The following SSH1 variants were observed in gnomAD, a reference collection of about 807,000 sequenced individuals.
SSH1 encodes the protein protein phosphatase Slingshot homolog 1.
SSH1 carries 43 observed loss-of-function variants against 79.7 expected under a neutral mutation model. The ratio of observed to expected loss-of-function variants is 0.54; its 90% CI spans 0.42 to 0.70. The LOEUF is 0.70. SSH1 is among the 30% of genes least tolerant of loss of function. The pLI, the probability that SSH1 is intolerant of heterozygous loss-of-function variation, is 0.00. For synonymous variants in SSH1, 599 were observed against 538.3 expected, an observed-to-expected ratio of 1.11 and a Z score of -1.56; for missense variants, 1,206 against 1,358.8, an observed-to-expected ratio of 0.89 and a Z score of 1.77.
chr12:108,838,339 A>T (rs1257571519), intron 2 of SSH1, among the ~76,000 whole-genome samples: 1 of 152,232 alleles, frequency 6.6e-6, no homozygotes, highest in Admixed American at 6.5e-5. Flanking sequence ...TGCCCAGAGC[A>T]GAAGAGAACG....
intron 3 of SSH1, among the ~76,000 whole-genome samples, chr12:108,821,672 G>C (rs549632444): frequency 1.3e-5 from 2 of 152,272 alleles, no homozygotes; most frequent in South Asian, 4.1e-4. Context: ...GGTCTGCCTG[G>C]CTTCAAAACA....
At chr12:108,856,617 C>G (rs552900278) in intron 1 of SSH1, among the ~76,000 whole-genome samples, 1 of 152,228 alleles carries the variant, frequency 6.6e-6, no homozygotes. Context: ...GCTCGGTCAC[C>G]GTCACACAGT....
At chr12:108,816,035 C>T (rs1030926329) in intron 5 of SSH1, among the ~76,000 whole-genome samples, 9 of 152,216 alleles carry the variant, frequency 5.9e-5, no homozygotes, top group African/African-American at 2.2e-4. Context: ...TCCTCAAATG[C>T]ACCTTGCTGC....
intron 2 of SSH1, among the ~76,000 whole-genome samples, chr12:108,838,517 T>C (rs1433427778): frequency 6.6e-6 from 1 of 152,150 alleles, no homozygotes; most frequent in East Asian, 1.9e-4. Flanking sequence ...AGGCCTCCTA[T>C]TGTGAAGGGC....
chr12:108,824,926 G>A (rs924915430), intron 2 of SSH1, among the ~76,000 whole-genome samples: 2 of 152,018 alleles, frequency 1.3e-5, no homozygotes, highest in African/African-American at 2.4e-5. Context: ...TATTAACAAC[G>A]GCTTTGCGGG....
At position 108,802,319 on chromosome 12, in the gene SSH1, C is replaced by T; in HGVS notation, c.1001+3G>A. 11 of 1,613,794 alleles carry T rather than the reference C, an allele frequency of 6.8e-6. No homozygotes were observed. Among genetic ancestry groups the T allele is most frequent in the Non-Finnish European group, 9.3e-6 (11 of 1,179,770 alleles). The stretch of plus-strand genomic sequence containing the variant: ...CAGGGAAAGACAAGGGGAGGAGACT[C>T]ACCCTGAGCCCTGCAGTTCCTCCAG... On this transcript the variant is annotated splice_donor_region_variant and intron_variant, in intron 11 of 14. Transcript: ENST00000326495.
In SSH1 at chr12:108,826,080, T is replaced by TA. The variant is rs755068548; in HGVS notation, c.111-2720dup. On this transcript the variant is annotated intron_variant, in intron 2 of 14. Coordinates refer to ENST00000326495, the MANE Select transcript of SSH1 (RefSeq NM_018984.4). ...CATCAACTGCTTTTGTTCATGAGATTAAAAAAAAAAAATTCATACTGACCA... is the reference window on the plus strand; with the variant it reads ...CATCAACTGCTTTTGTTCATGAGATTAAAAAAAAAAAAATTCATACTGACCA... The TA allele has an allele frequency of 7.3e-3, 2,707 of 370,148 alleles. 3 individuals carry two copies. The highest frequency in any genetic ancestry group is 0.012 in the Middle Eastern group (33 of 2,652). 22.9% of individuals were successfully genotyped at this position (370,148 alleles called of 1,614,324 possible).
chr12:108,788,646 C>T lies in SSH1; in HGVS notation c.2492G>A (p.Arg831Gln), dbSNP rs1397797197. The T allele has an allele frequency of 6.2e-6, 10 of 1,613,668 alleles. No homozygotes were observed. The Admixed American group carries it at 8.3e-5, about 13-fold the overall frequency. ...LVRKHTKELE[R>Q]LKSVPADPAP... ...TGGGTCTGCAGGCACGCTCTTCAGC[C>T]GCTCTAGCTCTTTGGTGTGCTTGCG... The change falls in exon 15 of 15, where the codon CGG (arginine) becomes CAG (glutamine). Residue 831 changes from arginine (R) to glutamine (Q), a missense_variant. By Grantham distance (43) the Arg-to-Gln change is conservative. This residue lies in a region of SSH1 where 709 missense variants were observed against 730.6 expected (regional missense o/e 0.97). Coordinates refer to ENST00000326495, the MANE Select transcript of SSH1 (RefSeq NM_018984.4).
At position 108,788,362 on chromosome 12, in the gene SSH1, A is replaced by G. The variant is rs750050714; in HGVS notation, c.2776T>C (p.Ser926Pro). 3.1e-6 allele frequency: 5 copies of G among 1,612,962 alleles called. No homozygotes were observed. In the Admixed American group the frequency reaches 5.0e-5, roughly 16 times the overall value. ...CGGGTCAGGTTGGAGCTCATGGAAGAGGAGGTGGGGGTGTAGCAGATGGTC... is the reference window on the plus strand; with the variant it reads ...CGGGTCAGGTTGGAGCTCATGGAAGGGGAGGTGGGGGTGTAGCAGATGGTC... ...LKTICYTPTS[S>P]SMSSNLTRSS... Residue 926 changes from serine to proline, a missense_variant, in exon 15 of 15, where the codon TCT becomes CCT. By Grantham distance (74) the Ser-to-Pro change is moderately conservative (BLOSUM62 -1). Around this residue, in one of 5 missense-constraint regions of SSH1, gnomAD observed 709 missense variants for 730.6 expected, o/e 0.97. Transcript: ENST00000326495.
chr12:108,847,648 G>T (rs2038928367), intron 2 of SSH1, among the ~76,000 whole-genome samples: 1 of 152,062 alleles, frequency 6.6e-6, no homozygotes, highest in Admixed American at 6.5e-5. Context: ...GTAGAAAGGG[G>T]GTTTCACCAT....
intron 5 of SSH1, among the ~76,000 whole-genome samples, chr12:108,814,940 A>G (rs908947019): frequency 5.3e-5 from 8 of 152,196 alleles, no homozygotes; most frequent in African/African-American, 1.9e-4. Context: ...GTGGGCATCT[A>G]AGGCATGCCC....
rs1054661862 is a variant in SSH1, at chr12:108,785,717, A to G, written c.*2271T>C. 1.3e-5 allele frequency: 2 copies of G among 152,076 alleles called. No individual in the cohort carries two copies. Among genetic ancestry groups the G allele is most frequent in the African/African-American group, 4.8e-5 (2 of 41,312 alleles). 9.4% of individuals were successfully genotyped at this position (152,076 alleles called of 1,614,324 possible). A position where few individuals can be genotyped will look rare whatever the true frequency, so the allele number is the denominator to read the frequency against. ...AAGAAAAATTATGGCTTTCAAAATTAAAGTTTTCAAAAATATATCATTCTC... is the reference window on the plus strand; with the variant it reads ...AAGAAAAATTATGGCTTTCAAAATTGAAGTTTTCAAAAATATATCATTCTC... On this transcript the variant is annotated 3_prime_UTR_variant, in exon 15 of 15. Coordinates refer to ENST00000326495, the MANE Select transcript of SSH1 (RefSeq NM_018984.4).
intron 2 of SSH1, among the ~76,000 whole-genome samples, chr12:108,848,506 C>T (rs1335344578): frequency 6.6e-6 from 1 of 152,218 alleles, no homozygotes; most frequent in East Asian, 1.9e-4. Flanking sequence ...CTCCCTAATT[C>T]TCCTGACCCC....
rs2036328770 is a variant in SSH1 at position 108,787,859 on chromosome 12, G to A, written c.*129C>T. ...CTCCTCCTCTCTATGGCAAGAGTAG[G>A]GGAAAAGTTAGGATGACTTCACTCG... On this transcript the variant is annotated 3_prime_UTR_variant, in exon 15 of 15. Transcript: ENST00000326495. 5.0e-6 allele frequency: 6 copies of A among 1,204,550 alleles called. No homozygotes were observed. In the South Asian group the frequency reaches 6.6e-5, roughly 13 times the overall value. The allele number at this position is 1,204,550 out of a possible 1,614,324, so 74.6% of individuals were successfully genotyped here.
chr12:108,851,626 T>C (rs564236894), intron 2 of SSH1, among the ~76,000 whole-genome samples: 1 of 152,318 alleles, frequency 6.6e-6, no homozygotes, highest in African/African-American at 2.4e-5. Flanking sequence ...AACTTAATTT[T>C]TGGCAAAGAA....
intron 2 of SSH1, among the ~76,000 whole-genome samples, chr12:108,825,646 A>C (rs1460707526): frequency 6.6e-6 from 1 of 152,256 alleles, no homozygotes; most frequent in Non-Finnish European, 1.5e-5. Context: ...CCACTACTGC[A>C]GATGCACTGC....
At chr12:108,856,185 T>C (rs1242461160) in intron 1 of SSH1, among the ~76,000 whole-genome samples, 1 of 152,166 alleles carries the variant, frequency 6.6e-6, no homozygotes, top group African/African-American at 2.4e-5. Flanking sequence ...AGCCTTGTTA[T>C]AGGTAAGAGT....
At chr12:108,844,634 T>A (rs928971437) in intron 2 of SSH1, among the ~76,000 whole-genome samples, 4 of 152,220 alleles carry the variant, frequency 2.6e-5, no homozygotes, top group Non-Finnish European at 4.4e-5. Flanking sequence ...CCTTTCTCTT[T>A]GAATGTGGGA....
At chr12:108,819,800 C>A (rs758331985) in intron 3 of SSH1, among the ~76,000 whole-genome samples, 25 of 151,992 alleles carry the variant, frequency 1.6e-4, no homozygotes, top group Non-Finnish European at 2.9e-4. Flanking sequence ...CCTGTCTCTA[C>A]AAAGGAAAAA....
Sources: gnomAD v4.1 joint callset for allele counts (sites outside exome capture counted in the v4.1 genomes callset) on GRCh38, gnomAD v4.1.1 for gene constraint, gnomAD v4.1.1 regional missense constraint, MANE v1.5 for transcripts, NCBI Gene and HGNC (gene_info 2026-07-23, HGNC 2026-07-21) for gene names.